The following BDP1 variants were observed in gnomAD, a reference collection of about 807,000 sequenced individuals.
The protein encoded by BDP1 is transcription factor TFIIIB component B'' homolog.
Under a neutral mutation model 266.6 loss-of-function variants are expected in BDP1, and 169 were observed. That is an observed-to-expected ratio of 0.63 (90% confidence interval 0.56 to 0.72). BDP1 has a LOEUF of 0.72. Ranked by LOEUF, BDP1 falls within the 30% of genes least tolerant of loss-of-function variation. The pLI is 0.00. For synonymous variants in BDP1, 1,090 were observed against 1,022.4 expected, an observed-to-expected ratio of 1.07 and a Z score of -1.26; for missense variants, 3,015 against 3,053.8, an observed-to-expected ratio of 0.99 and a Z score of 0.30.
Position 71,539,631 on chromosome 5 carries a change from AG to A in BDP1, c.6005del (p.Ser2002IlefsTer7), listed in dbSNP as rs1301471617. ...MGDLVLQSEI[S>X]SEQGDVGVCI... The stretch of plus-strand genomic sequence containing the variant: ...AGATCTAGTATTGCAGTCAGAGATC[AG>A]TAGTGAACAGGGTGATGGTAAGAAT... On this transcript the variant is annotated frameshift_variant, in exon 28 of 39. Transcript: ENST00000358731. LOFTEE classifies it high-confidence loss of function. The A allele has an allele frequency of 1.9e-6, 3 of 1,610,314 alleles. No individual in the cohort carries two copies. Among genetic ancestry groups the A allele is most frequent in the Non-Finnish European group, 2.5e-6 (3 of 1,177,540 alleles).
chr5:71,551,750 G>T (rs1742780377), intron 34 of BDP1, among the ~76,000 whole-genome samples: 1 of 150,922 alleles, frequency 6.6e-6, no homozygotes, highest in Non-Finnish European at 1.5e-5. Flanking sequence ...TCACCTCCCG[G>T]ACGGGGCGGC....
chr5:71,556,910 G>C lies in BDP1; in HGVS notation c.7225G>C (p.Val2409Leu), dbSNP rs1743254546. ...TEVHSKELTN[V>L]FEETGESHKG... ...GGTGCACTCAAAGGAATTAACAAAT[G>C]TTTTTGAGGAAACAGGTAAGTGAAA... is the stretch of plus-strand genomic sequence containing the variant. Residue 2409 changes from valine (V) to leucine (L), a missense_variant, in exon 36 of 39, where the codon GTT (valine) becomes CTT (leucine). By Grantham distance (32) the Val-to-Leu change is conservative. This residue lies in a region of BDP1 where 629 missense variants were observed against 632.5 expected (regional missense o/e 0.99). Coordinates refer to ENST00000358731, the MANE Select transcript of BDP1 (RefSeq NM_018429.3). The C allele has an allele frequency of 6.9e-7, 1 of 1,459,400 alleles. No individual in the cohort carries two copies. Among genetic ancestry groups the C allele is most frequent in the Non-Finnish European group, 9.1e-7 (1 of 1,094,324 alleles). 90.4% of individuals were successfully genotyped at this position (1,459,400 alleles called of 1,614,324 possible).
At chr5:71,531,023 C>G (rs566178837) in intron 25 of BDP1, among the ~76,000 whole-genome samples, 1 of 152,062 alleles carries the variant, frequency 6.6e-6, no homozygotes, top group Non-Finnish European at 1.5e-5. Flanking sequence ...GTAGTGAACC[C>G]TGATAGTGCC....
At chr5:71,458,362 A>G (rs1761325834) in intron 1 of BDP1, among the ~76,000 whole-genome samples, 1 of 152,082 alleles carries the variant, frequency 6.6e-6, no homozygotes, top group African/African-American at 2.4e-5. Context: ...TTTATGTTTG[A>G]AAAAGATTAA....
the BDP1 span, among the ~76,000 whole-genome samples, chr5:71,575,747 T>G: frequency 6.6e-6 from 1 of 152,318 alleles, no homozygotes; most frequent in East Asian, 1.9e-4. Flanking sequence ...AATGGAGAGT[T>G]TTACCCCAAG....
chr5:71,549,645 G>A, intron 34 of BDP1, 39 bp downstream of exon 34: 1 of 1,533,956 alleles, frequency 6.5e-7, no homozygotes, highest in Admixed American at 1.9e-5. Context: ...AGGAGGAAAA[G>A]TGATTTATGA....
the BDP1 span, among the ~76,000 whole-genome samples, chr5:71,575,998 T>C: frequency 6.6e-6 from 1 of 152,156 alleles, no homozygotes; most frequent in Admixed American, 6.5e-5. Flanking sequence ...TTAGGAACTA[T>C]TGTTACAGAG....
chr5:71,459,510 C>CA (rs916892031), intron 2 of BDP1, among the ~76,000 whole-genome samples: 7 of 151,006 alleles, frequency 4.6e-5, no homozygotes, highest in African/African-American at 1.5e-4. Flanking sequence ...AAACTGTCTC[C>CA]AAAAAAAAGA....
downstream of BDP1, among the ~76,000 whole-genome samples, chr5:71,570,869 T>C (rs1744242756): frequency 6.6e-6 from 1 of 152,214 alleles, no homozygotes; most frequent in African/African-American, 2.4e-5. Flanking sequence ...TTGGGAGTTA[T>C]GGTTAGGGGG....
Position 71,542,267 on chromosome 5 carries a change from T to C in BDP1, c.6412+2T>C. On this transcript the variant is annotated splice_donor_variant, in intron 30 of 38. Coordinates refer to ENST00000358731, the MANE Select transcript of BDP1 (RefSeq NM_018429.3). LOFTEE classifies it high-confidence loss of function. ...GGGCAGAAATGGAAACTCAAAGAGG[T>C]AAATTTTATTCTCTTAATATGTTGC... 1 of 1,604,432 alleles carries C rather than the reference T, an allele frequency of 6.2e-7. No individual in the cohort carries two copies. Among genetic ancestry groups the C allele is most frequent in the Non-Finnish European group, 8.5e-7 (1 of 1,177,424 alleles).
At chr5:71,470,548 T>C (rs1287371804) in intron 7 of BDP1, 59 bp downstream of exon 7, 2 of 1,119,742 alleles carry the variant, frequency 1.8e-6, no homozygotes. Flanking sequence ...CAAATGTTAG[T>C]AGTATTATTC....
In BDP1 at chr5:71,496,438, A is replaced by ATTTTT. The variant is rs10682137; in HGVS notation, c.1800-819_1800-815dup. Among the ~76,000 whole-genome samples, 413 of 138,636 alleles carry ATTTTT rather than the reference A, an allele frequency of 3.0e-3. 14 individuals carry two copies. Among genetic ancestry groups the ATTTTT allele is most frequent in the South Asian group, 7.5e-3 (33 of 4,384 alleles). 91.0% of individuals were successfully genotyped at this position (138,636 alleles called of 152,430 possible). A position where few individuals can be genotyped will look rare whatever the true frequency, so the allele number is the denominator to read the frequency against. ...CACATACACATTTAAACATTTATGA[A>ATTTTT]TTTTTTTTTTTTTTTTTGAGACAGG... On this transcript the variant is annotated intron_variant, in intron 12 of 38. Transcript: ENST00000358731.
At chr5:71,578,075 T>C in the BDP1 span, among the ~76,000 whole-genome samples, 3 of 152,186 alleles carry the variant, frequency 2.0e-5, no homozygotes, top group African/African-American at 4.8e-5. Flanking sequence ...CATCGCTCCC[T>C]GGCCCCGGCT....
chr5:71,511,408 A>T (rs1764913192), intron 17 of BDP1: 1 of 390,588 alleles, frequency 2.6e-6, no homozygotes, highest in African/African-American at 2.1e-5. Context: ...ACTTGAGCCC[A>T]GGAGTTTGAG....
In BDP1 at chr5:71,510,369, GA is replaced by G. The variant is rs1227815082; in HGVS notation, c.3280del (p.Thr1094LeufsTer12). The G allele has an allele frequency of 1.2e-6, 2 of 1,614,098 alleles. No homozygotes were observed. ...AIEEIEIDLE[E>X]TEREISPQEN... ...TGAGGAAATAGAGATAGATTTGGAAGAAACTGAAAGAGAAATATCCCCACAG... is the reference window on the plus strand; with the variant it reads ...TGAGGAAATAGAGATAGATTTGGAAGAACTGAAAGAGAAATATCCCCACAG... On this transcript the variant is annotated frameshift_variant, in exon 17 of 39. Transcript: ENST00000358731. LOFTEE classifies it high-confidence loss of function.
intron 5 of BDP1, 44 bp downstream of exon 5, chr5:71,466,265 C>A: frequency 6.2e-7 from 1 of 1,608,222 alleles, no homozygotes; most frequent in South Asian, 1.1e-5. Context: ...TACATGAGAA[C>A]AAACATGCTT....
At chr5:71,472,937 C>G (rs1386262938) in intron 7 of BDP1, among the ~76,000 whole-genome samples, 4 of 135,442 alleles carry the variant, frequency 3.0e-5, no homozygotes, top group African/African-American at 1.1e-4. Flanking sequence ...CTCTGTCACC[C>G]AAGCTGGAGT....
At chr5:71,503,970 G>T (rs1425307575) in intron 15 of BDP1, among the ~76,000 whole-genome samples, 1 of 149,924 alleles carries the variant, frequency 6.7e-6, no homozygotes, top group African/African-American at 2.5e-5. Context: ...GTGAGACCCT[G>T]TCTTAAAAAA....
intron 32 of BDP1, among the ~76,000 whole-genome samples, chr5:71,546,739 C>G (rs1326455753): frequency 6.6e-6 from 1 of 150,812 alleles, no homozygotes; most frequent in African/African-American, 2.4e-5. Context: ...AGAGAAAGGA[C>G]AGTACTGTTG....
Sources: allele counts gnomAD v4.1 joint callset (sites outside exome capture counted in the v4.1 genomes callset), GRCh38; gene constraint gnomAD v4.1.1; regional missense constraint gnomAD v4.1.1; transcripts MANE v1.5; gene names NCBI Gene and HGNC (gene_info 2026-07-23, HGNC 2026-07-21).